Variants in TBC1D16 observed in about 807,000 individuals in gnomAD.
TBC1D16 encodes CTD-2529O21.1.
Under a neutral mutation model 74.7 loss-of-function variants are expected in TBC1D16, and 58 were observed. The observed-to-expected ratio is 0.78, with a 90% CI of 0.63 to 0.97. The LOEUF (loss-of-function observed/expected upper bound fraction) is 0.97. Among genes scored for constraint, TBC1D16 ranks in the 50% least tolerant of loss-of-function variants. The probability of loss-of-function intolerance (pLI) is 0.00; values close to 1 mark genes in which losing one functional copy is unlikely to be tolerated. For missense variants in TBC1D16, 1,014 were observed against 1,079.5 expected, an observed-to-expected ratio of 0.94 and a Z score of 0.85; for synonymous variants, 493 against 474.7, an observed-to-expected ratio of 1.04 and a Z score of -0.50.
intron 1 of TBC1D16, among the ~76,000 whole-genome samples, chr17:80,016,717 C>T (rs1295708353): frequency 5.3e-5 from 8 of 152,138 alleles, no homozygotes; most frequent in South Asian, 4.1e-4. Context: ...CAGGACCAGG[C>T]GGCTCAGCGC....
chr17:79,947,176 G>A (rs937867792), intron 9 of TBC1D16, among the ~76,000 whole-genome samples: 14 of 152,140 alleles, frequency 9.2e-5, no homozygotes, highest in Admixed American at 8.5e-4. Context: ...GGCACCCCAG[G>A]GGAGGGGTGG....
At position 80,001,931 on chromosome 17, in the gene TBC1D16, C is replaced by CCG. The variant is rs2035502334; in HGVS notation, c.779+8228_779+8229insCG. Among the ~76,000 whole-genome samples the CCG allele has an allele frequency of 1.3e-5, 2 of 152,108 alleles. No homozygotes were observed. The highest frequency in any genetic ancestry group is 2.9e-5 in the Non-Finnish European group (2 of 68,018). The stretch of plus-strand genomic sequence containing the variant: ...GCTCTGATTTGCTGGGCAGCTGCTG[C>CCG]GCCCCGGAACAAAGACGGGAAGGGC... On this transcript the variant is annotated intron_variant, in intron 3 of 11. Transcript: ENST00000310924. The surrounding 1 kb of genome is among the most constrained non-coding windows in gnomAD (Gnocchi z 5.8).
At chr17:80,005,806 T>C (rs1057145015) in intron 3 of TBC1D16, among the ~76,000 whole-genome samples, 3 of 152,098 alleles carry the variant, frequency 2.0e-5, no homozygotes, top group African/African-American at 7.2e-5. Flanking sequence ...AGCACACGAA[T>C]GTGGGCAGCC....
At chr17:80,017,249 T>C (rs1432058527) in intron 1 of TBC1D16, among the ~76,000 whole-genome samples, 1 of 151,942 alleles carries the variant, frequency 6.6e-6, no homozygotes, top group Non-Finnish European at 1.5e-5. Flanking sequence ...GCCCTTGGAG[T>C]GCAGGAGCAG....
chr17:80,023,105 G>T (rs1344691496), intron 1 of TBC1D16, among the ~76,000 whole-genome samples: 2 of 150,170 alleles, frequency 1.3e-5, no homozygotes, highest in African/African-American at 2.5e-5. Flanking sequence ...ACTATCACAC[G>T]CTCTGGTGAG....
chr17:80,032,260 GGCAAGCAGAC>G (rs2036800304), intron 1 of TBC1D16, among the ~76,000 whole-genome samples: 3 of 152,140 alleles, frequency 2.0e-5, no homozygotes, highest in Non-Finnish European at 2.9e-5. Context: ...AGCCCATACA[GGCAAGCAGAC>G]ACATGTATCA....
chr17:79,943,963 C>T, intron 10 of TBC1D16: 3 of 1,506,574 alleles, frequency 2.0e-6, no homozygotes, highest in Non-Finnish European at 2.7e-6. Context: ...TGCAGATCGT[C>T]CACCCTGCAC....
chr17:80,010,740 T>C lies in TBC1D16; in HGVS notation c.199A>G (p.Met67Val). Residue 67 changes from methionine to valine, a missense_variant, in exon 3 of 12, where the codon ATG becomes GTG. By Grantham distance (21) the Met-to-Val change is conservative. Coordinates refer to ENST00000310924, the MANE Select transcript of TBC1D16 (RefSeq NM_019020.4). This position sits in a 1 kb window ranked among gnomAD's most constrained non-coding sequence, Gnocchi z 8.8. ...GCTCCCAGCATCTCATCCTTCTCCA[T>C]GTACAAGCACAGGTAACCTGTGAGG... ...EHHPGYLCLY[M>V]EKDEMLGATL... 1.3e-6 allele frequency: 2 copies of C among 1,497,976 alleles called. No individual in the cohort carries two copies. The highest frequency in any genetic ancestry group is 2.3e-5 in the East Asian group (1 of 43,232). 92.8% of individuals were successfully genotyped at this position (1,497,976 alleles called of 1,614,324 possible).
Position 79,956,515 on chromosome 17 carries a change from A to G in TBC1D16, c.780-3697T>C, listed in dbSNP as rs1469013455. On this transcript the variant is annotated intron_variant, in intron 3 of 11. Transcript: ENST00000310924. This position sits in a 1 kb window ranked among gnomAD's most constrained non-coding sequence, Gnocchi z 4.0. ...GCGATCTGTCTGCCTTGGCCTCCCA[A>G]AGTGCTGGGACTACAGGCGTGAGCC... Among the ~76,000 whole-genome samples, 2 of 151,956 alleles carry G rather than the reference A, an allele frequency of 1.3e-5. No homozygotes were observed. The highest frequency in any genetic ancestry group is 4.8e-5 in the African/African-American group (2 of 41,378).
At chr17:79,970,839 C>CCGGTG in intron 3 of TBC1D16, among the ~76,000 whole-genome samples, 1 of 123,086 alleles carries the variant, frequency 8.1e-6, no homozygotes, top group Non-Finnish European at 1.8e-5. Context: ...TGTACGAGTC[C>CCGGTG]CAGTGCAAAA....
rs548330676 is a variant in TBC1D16, at chr17:80,035,234, T to C, written c.-63+561A>G. On this transcript the variant is annotated intron_variant, in intron 1 of 11. Transcript: ENST00000310924. This position sits in a 1 kb window ranked among gnomAD's most constrained non-coding sequence, Gnocchi z 5.3. ...CCTTCCTTTCGTTCTTTCTTTCTTT[T>C]TCTTTTTTTTTTTTTCCCAAAGGAA... Among the ~76,000 whole-genome samples, 1 of 55,584 alleles carries C rather than the reference T, an allele frequency of 1.8e-5. No individual in the cohort carries two copies. Among genetic ancestry groups the C allele is most frequent in the African/African-American group, 5.3e-5 (1 of 19,018 alleles). The allele number at this position is 55,584 out of a possible 152,430, so 36.5% of individuals were successfully genotyped here.
intron 1 of TBC1D16, among the ~76,000 whole-genome samples, chr17:80,024,654 T>TACC (rs1568648898): frequency 3.4e-3 from 20 of 5,910 alleles, no homozygotes; most frequent in South Asian, 9.9e-3. Context: ...ACCATAGACA[T>TACC]ACACACCATA....
chr17:80,016,193 G>A (rs757318632), intron 1 of TBC1D16, among the ~76,000 whole-genome samples: 7 of 151,826 alleles, frequency 4.6e-5, no homozygotes, highest in Non-Finnish European at 5.9e-5. Flanking sequence ...GATTCTACTC[G>A]TGTGAGGTCC....
In TBC1D16 at chr17:79,952,734, CCGCTG is replaced by C; in HGVS notation, c.859_863del (p.Gln287GlyfsTer59). On this transcript the variant is annotated frameshift_variant, in exon 4 of 12. Coordinates refer to ENST00000310924, the MANE Select transcript of TBC1D16 (RefSeq NM_019020.4). LOFTEE classifies it high-confidence loss of function. ...CGCAAATCTGCTCCAGGGCGCACAC[CCGCTG>C]CGGCTCGTCCCAGCGTGGGGTCTGC... 6.2e-7 allele frequency: 1 copy of C among 1,612,330 alleles called. No homozygotes were observed. Among genetic ancestry groups the C allele is most frequent in the South Asian group, 1.1e-5 (1 of 91,030 alleles).
chr17:80,020,961 G>T lies in TBC1D16; in HGVS notation c.-62-7352C>A, dbSNP rs2036262219. 1.3e-5 allele frequency among the ~76,000 whole-genome samples: 2 copies of T among 150,004 alleles called. 1 individual carries two copies. Among genetic ancestry groups the T allele is most frequent in the South Asian group, 4.2e-4 (2 of 4,790 alleles). On this transcript the variant is annotated intron_variant, in intron 1 of 11. Transcript: ENST00000310924. ...GCTCAAGCCCAGGAGCTCAAAACCA[G>T]CCTGGGCAGGGCCGGGCACGGTGGC...
rs1230946597 is a variant in TBC1D16, at chr17:79,993,538, C to T, written c.779+16622G>A. On this transcript the variant is annotated intron_variant, in intron 3 of 11. Transcript: ENST00000310924. The surrounding 1 kb of genome is among the most constrained non-coding windows in gnomAD (Gnocchi z 5.1). ...CTGCTGGGAAGGATATGAAGCCAAA[C>T]AGAACCAGCTACGGGAGTCTTTCGA... The T allele has an allele frequency of 6.6e-6, 1 of 152,260 alleles. No homozygotes were observed. Among genetic ancestry groups the T allele is most frequent in the African/African-American group, 2.4e-5 (1 of 41,454 alleles). 9.4% of individuals were successfully genotyped at this position (152,260 alleles called of 1,614,324 possible).
At position 79,961,820 on chromosome 17, in the gene TBC1D16, G is replaced by A. The variant is rs759078619; in HGVS notation, c.780-9002C>T. ...AGAGGTTGCAGTGAGCCAAGATCAC[G>A]AGACTGCGCTCCAGCCTAGGCAAGA... On this transcript the variant is annotated intron_variant, in intron 3 of 11. Coordinates refer to ENST00000310924, the MANE Select transcript of TBC1D16 (RefSeq NM_019020.4). This position sits in a 1 kb window ranked among gnomAD's most constrained non-coding sequence, Gnocchi z 4.8. Among the ~76,000 whole-genome samples, 19 of 152,158 alleles carry A rather than the reference G, an allele frequency of 1.2e-4. No individual in the cohort carries two copies. The highest frequency in any genetic ancestry group is 2.1e-4 in the South Asian group (1 of 4,824).
rs549321479 is a variant in TBC1D16, at chr17:79,941,000, G to A, written c.2163C>T (p.Pro721=). 204 of 1,608,276 alleles carry A rather than the reference G, an allele frequency of 1.3e-4. No individual in the cohort carries two copies. Among genetic ancestry groups the A allele is most frequent in the Middle Eastern group, 1.7e-4 (1 of 6,054 alleles). ...GATGGTGGCCGGTGCACTCCACCGCGGGCATGGAGCCGCTGTCCCACATGC... is the reference window on the plus strand; with the variant it reads ...GATGGTGGCCGGTGCACTCCACCGCAGGCATGGAGCCGCTGTCCCACATGC... ...GSGMWDSGSM[P]AVECTGHHPG... Residue 721 remains proline (P), a synonymous_variant, in exon 12 of 12, where the codon CCC becomes CCT. Transcript: ENST00000310924. This position sits in a 1 kb window ranked among gnomAD's most constrained non-coding sequence, Gnocchi z 5.4.
At position 80,031,073 on chromosome 17, in the gene TBC1D16, C is replaced by T. The variant is rs566261640; in HGVS notation, c.-63+4722G>A. On this transcript the variant is annotated intron_variant, in intron 1 of 11. Transcript: ENST00000310924. The stretch of plus-strand genomic sequence containing the variant: ...CCAGCTTCCTCCACCTGCCCAGAGC[C>T]AGGCAGGGGCCCTACCCATCTTCCT... Among the ~76,000 whole-genome samples the T allele has an allele frequency of 2.6e-5, 4 of 152,344 alleles. No individual in the cohort carries two copies. In the South Asian group the frequency reaches 6.2e-4, roughly 24 times the overall value.
Sources: gnomAD v4.1 joint callset for allele counts (sites outside exome capture counted in the v4.1 genomes callset) on GRCh38, gnomAD v4.1.1 for gene constraint, Gnocchi (gnomAD v3.1) non-coding constraint, MANE v1.5 for transcripts, NCBI Gene and HGNC (gene_info 2026-07-23, HGNC 2026-07-21) for gene names.